Variants in PRUNE2 observed in about 807,000 individuals in gnomAD.
PRUNE2 encodes protein prune homolog 2.
PRUNE2 carries 164 observed loss-of-function variants against 252.0 expected under a neutral mutation model. The ratio of observed to expected loss-of-function variants is 0.65; its 90% CI spans 0.57 to 0.74. The LOEUF (loss-of-function observed/expected upper bound fraction) is 0.74. Ranked by LOEUF, PRUNE2 falls within the 30% of genes least tolerant of loss-of-function variation. The probability of loss-of-function intolerance (pLI) is 0.00; values close to 1 mark genes in which losing one functional copy is unlikely to be tolerated. For synonymous variants in PRUNE2, 1,292 were observed against 1,350.2 expected (o/e 0.96, Z 0.94); for missense variants, 3,495 against 3,711.0 (o/e 0.94, Z 1.51).
chr9:76,782,055 A>G (rs2054470265), intron 6 of PRUNE2, among the ~76,000 whole-genome samples: 1 of 152,170 alleles, frequency 6.6e-6, no homozygotes, highest in Non-Finnish European at 1.5e-5. Flanking sequence ...TCTACTAAAA[A>G]TACAAAAAAT....
At chr9:76,870,650 C>T (rs1231759850) in intron 1 of PRUNE2, among the ~76,000 whole-genome samples, 1 of 149,516 alleles carries the variant, frequency 6.7e-6, no homozygotes, top group African/African-American at 2.5e-5. Flanking sequence ...TGCGCCACTG[C>T]ACTCCAGCCT....
intron 9 of PRUNE2, among the ~76,000 whole-genome samples, chr9:76,670,367 G>T (rs962535451): frequency 3.9e-5 from 6 of 152,196 alleles, no homozygotes; most frequent in Non-Finnish European, 7.4e-5. Flanking sequence ...GGCACACCAC[G>T]AGATTATATC....
At chr9:76,865,068 G>C (rs1262468083) in intron 1 of PRUNE2, among the ~76,000 whole-genome samples, 1 of 152,202 alleles carries the variant, frequency 6.6e-6, no homozygotes, top group African/African-American at 2.4e-5. Flanking sequence ...TTCAGTGTTA[G>C]CAGAGGCCTC....
intron 15 of PRUNE2, among the ~76,000 whole-genome samples, chr9:76,634,933 TAA>T (rs1227881780): frequency 6.6e-6 from 1 of 152,162 alleles, no homozygotes; most frequent in East Asian, 1.9e-4. Context: ...CTGAAAATAT[TAA>T]AATAAGTGGC....
At chr9:76,724,974 G>A (rs2047985523) in intron 6 of PRUNE2, among the ~76,000 whole-genome samples, 1 of 151,840 alleles carries the variant, frequency 6.6e-6, no homozygotes, top group Non-Finnish European at 1.5e-5. Flanking sequence ...GTAGAACCTG[G>A]GCTACACTCT....
chr9:76,813,273 C>T (rs1422700328), intron 6 of PRUNE2, among the ~76,000 whole-genome samples: 1 of 152,212 alleles, frequency 6.6e-6, no homozygotes, highest in Non-Finnish European at 1.5e-5. Flanking sequence ...TATTTATGAA[C>T]AGCCCATGCA....
intron 4 of PRUNE2, among the ~76,000 whole-genome samples, chr9:76,837,463 A>AATAAT (rs2059084133): frequency 1.2e-5 from 1 of 82,116 alleles, no homozygotes; most frequent in African/African-American, 5.3e-5. Context: ...TAATAATAAT[A>AATAAT]ATAATAATAA....
intron 9 of PRUNE2, chr9:76,687,682 TAG>T: frequency 2.6e-6 from 1 of 391,630 alleles, no homozygotes; most frequent in South Asian, 1.9e-5. Context: ...ATTTGAGTCC[TAG>T]AGCCATATGG....
chr9:76,678,197 C>G (rs1234188222), intron 9 of PRUNE2, among the ~76,000 whole-genome samples: 3 of 151,520 alleles, frequency 2.0e-5, no homozygotes, highest in Non-Finnish European at 4.4e-5. Context: ...ACTAAAAGTA[C>G]AAAAATTAGC....
At chr9:76,788,333 TA>T in intron 6 of PRUNE2, 2 of 678,762 alleles carry the variant, frequency 2.9e-6, no homozygotes. Context: ...TTACCACAAG[TA>T]AATGATTGTG....
intron 9 of PRUNE2, among the ~76,000 whole-genome samples, chr9:76,669,890 G>A (rs1017726321): frequency 6.6e-6 from 1 of 152,186 alleles, no homozygotes; most frequent in East Asian, 1.9e-4. Flanking sequence ...GTAAATCTGA[G>A]TCACCTTTTA....
At chr9:76,654,907 C>T (rs1848654163) in intron 10 of PRUNE2, among the ~76,000 whole-genome samples, 1 of 151,990 alleles carries the variant, frequency 6.6e-6, no homozygotes, top group South Asian at 2.1e-4. Flanking sequence ...AGAGAGTGAC[C>T]CTGGAATACA....
intron 6 of PRUNE2, among the ~76,000 whole-genome samples, chr9:76,802,215 C>T (rs2056607540): frequency 1.3e-5 from 2 of 152,068 alleles, no homozygotes; most frequent in Non-Finnish European, 2.9e-5. Flanking sequence ...ATTAGTAACA[C>T]ACCATGTGGC....
At chr9:76,679,799 C>CA (rs1277223917) in intron 9 of PRUNE2, among the ~76,000 whole-genome samples, 2 of 152,152 alleles carry the variant, frequency 1.3e-5, no homozygotes, top group Non-Finnish European at 2.9e-5. Context: ...GCTGGGAAAA[C>CA]AAGATATCCA....
chr9:76,782,858 T>C (rs2054569362), intron 6 of PRUNE2: 1 of 152,226 alleles, frequency 6.6e-6, no homozygotes, highest in Admixed American at 6.5e-5. Flanking sequence ...GAACGAAGAA[T>C]AGACCAGAAG....
intron 6 of PRUNE2, among the ~76,000 whole-genome samples, chr9:76,772,151 T>C (rs1359295695): frequency 6.6e-6 from 1 of 152,152 alleles, no homozygotes; most frequent in Non-Finnish European, 1.5e-5. Context: ...AAAGGGCTTT[T>C]TGTGTGTTGC....
At chr9:76,884,815 C>T (rs571868604) in intron 1 of PRUNE2, among the ~76,000 whole-genome samples, 1 of 152,306 alleles carries the variant, frequency 6.6e-6, no homozygotes, top group Non-Finnish European at 1.5e-5. Context: ...AAACAGGATT[C>T]CAGAAAAGGC....
At chr9:76,712,538 A>C (rs12346836) in intron 7 of PRUNE2, among the ~76,000 whole-genome samples, 2,792 of 152,270 alleles carry the variant, frequency 0.018, 84 homozygotes, top group African/African-American at 0.063. Flanking sequence ...AAGAGCTTTT[A>C]ACTCCTTCAT....
intron 17 of PRUNE2, among the ~76,000 whole-genome samples, chr9:76,621,271 T>C (rs1023364979): frequency 1.1e-4 from 16 of 152,194 alleles, no homozygotes; most frequent in African/African-American, 3.9e-4. Flanking sequence ...ACCATAGATC[T>C]GCAGTGATCA....
Sources: gnomAD v4.1 joint callset for allele counts (sites outside exome capture counted in the v4.1 genomes callset) on GRCh38, gnomAD v4.1.1 for gene constraint, MANE v1.5 for transcripts, NCBI Gene and HGNC (gene_info 2026-07-23, HGNC 2026-07-21) for gene names.